The following TENM3 variants were observed in gnomAD, a reference collection of about 807,000 sequenced individuals.
TENM3 encodes the protein teneurin-3.
Under a neutral mutation model 255.1 loss-of-function variants are expected in TENM3, and 63 were observed. That is an observed-to-expected ratio of 0.25 (90% confidence interval 0.20 to 0.30). The LOEUF (loss-of-function observed/expected upper bound fraction) is 0.30. TENM3 is among the 10% of genes least tolerant of loss of function. TENM3 has a pLI of 1.00. For synonymous variants in TENM3, 1,306 were observed against 1,322.3 expected (o/e 0.99, Z 0.27); for missense variants, 2,929 against 3,461.1 (o/e 0.85, Z 3.86).
the TENM3 span, among the ~76,000 whole-genome samples, chr4:182,003,925 A>AT: frequency 6.6e-6 from 1 of 152,168 alleles, no homozygotes; most frequent in Non-Finnish European, 1.5e-5. Flanking sequence ...GCTAAAAAAA[A>AT]AAATAAATCT....
At chr4:182,582,856 C>T (rs774533024) in intron 3 of TENM3, among the ~76,000 whole-genome samples, 2 of 152,192 alleles carry the variant, frequency 1.3e-5, no homozygotes. Flanking sequence ...AAGGCAAGCT[C>T]TTCCTTACAG....
At chr4:182,782,840 G>T (rs879655117) in intron 24 of TENM3, among the ~76,000 whole-genome samples, 2,219 of 144,122 alleles carry the variant, frequency 0.015, 49 homozygotes, top group African/African-American at 0.054. Flanking sequence ...GATCTTTGTT[G>T]GTTTAAAGTC....
chr4:182,097,991 C>T, the TENM3 span, among the ~76,000 whole-genome samples: 1 of 151,902 alleles, frequency 6.6e-6, no homozygotes, highest in Non-Finnish European at 1.5e-5. Flanking sequence ...AAAAAAAAAT[C>T]CCAAAGAATC....
Position 182,673,012 on chromosome 4 carries a change from A to T in TENM3, c.1119A>T (p.Leu373Phe), listed in dbSNP as rs756401954. 1 of 1,576,704 alleles carries T rather than the reference A, an allele frequency of 6.3e-7. No homozygotes were observed. Among genetic ancestry groups the T allele is most frequent in the African/African-American group, 1.3e-5 (1 of 74,512 alleles). ...TGCATCTCTTACATTCAGGAAAATT[A>T]GGTGGATTTACGCAAGAAAATAACA... Reference protein sequence around the residue: ...VSLPSGDNGKLGGFTQENNTI... With the variant: ...VSLPSGDNGKFGGFTQENNTI... The change falls in exon 7 of 28, where the codon TTA becomes TTT. Residue 373 changes from leucine to phenylalanine, a missense_variant. Around this residue, in one of 6 missense-constraint regions of TENM3, gnomAD observed 1,608 missense variants for 1,884.4 expected, o/e 0.85. Coordinates refer to ENST00000511685, the MANE Select transcript of TENM3 (RefSeq NM_001080477.4).
At chr4:181,491,782 G>A in the TENM3 span, among the ~76,000 whole-genome samples, 4 of 151,988 alleles carry the variant, frequency 2.6e-5, no homozygotes, top group Non-Finnish European at 5.9e-5. Flanking sequence ...CCAGAAAAGT[G>A]GACATTAATT....
chr4:181,670,988 T>A, the TENM3 span, among the ~76,000 whole-genome samples: 1 of 152,340 alleles, frequency 6.6e-6, no homozygotes, highest in African/African-American at 2.4e-5. Context: ...CCTGTGACAC[T>A]ATAAAGAATA....
At chr4:181,540,866 A>G in the TENM3 span, among the ~76,000 whole-genome samples, 2 of 146,964 alleles carry the variant, frequency 1.4e-5, no homozygotes, top group African/African-American at 5.5e-5. Flanking sequence ...AGGAAATCTG[A>G]ATAAAGTATG....
At chr4:182,243,686 C>G (rs1156480978) in intron 1 of TENM3, among the ~76,000 whole-genome samples, 2 of 152,144 alleles carry the variant, frequency 1.3e-5, no homozygotes, top group African/African-American at 4.8e-5. Context: ...AGGAAAAGAG[C>G]AGTTCAAGAT....
At chr4:182,477,685 T>C (rs1733810061) in intron 3 of TENM3, among the ~76,000 whole-genome samples, 1 of 152,176 alleles carries the variant, frequency 6.6e-6, no homozygotes, top group Non-Finnish European at 1.5e-5. Flanking sequence ...ATACTTTTCT[T>C]TACATAGCAC....
At chr4:182,028,532 C>T in the TENM3 span, among the ~76,000 whole-genome samples, 1 of 152,082 alleles carries the variant, frequency 6.6e-6, no homozygotes, top group African/African-American at 2.4e-5. Context: ...TAAGATGCAT[C>T]ACTGGGTTGT....
At chr4:182,620,610 C>T (rs1384952738) in intron 4 of TENM3, among the ~76,000 whole-genome samples, 4 of 152,270 alleles carry the variant, frequency 2.6e-5, no homozygotes, top group Middle Eastern at 3.4e-3. Flanking sequence ...CAAAATGACA[C>T]CATTTGTTTG....
chr4:182,415,061 T>G (rs1259376045), intron 3 of TENM3, among the ~76,000 whole-genome samples: 1 of 152,260 alleles, frequency 6.6e-6, no homozygotes, highest in Non-Finnish European at 1.5e-5. Flanking sequence ...TGACACACTG[T>G]TAATCAGCAT....
chr4:181,886,945 T>C, the TENM3 span, among the ~76,000 whole-genome samples: 5 of 152,186 alleles, frequency 3.3e-5, no homozygotes, highest in African/African-American at 2.4e-5. Flanking sequence ...AAGTTTTCCA[T>C]TGAGCCAACG....
At chr4:182,144,119 C>T (rs750713105), upstream of TENM3, 1 of 151,142 alleles carries the variant, frequency 6.6e-6, no homozygotes, top group South Asian at 2.1e-4. Flanking sequence ...CAGCTCGCCC[C>T]GTGATTGGGC....
At chr4:182,033,766 A>C in the TENM3 span, among the ~76,000 whole-genome samples, 2 of 152,146 alleles carry the variant, frequency 1.3e-5, no homozygotes, top group Non-Finnish European at 2.9e-5. Flanking sequence ...TTCTTGTTGC[A>C]TTGAACCTTT....
At chr4:181,794,241 C>A in the TENM3 span, among the ~76,000 whole-genome samples, 1 of 152,256 alleles carries the variant, frequency 6.6e-6, no homozygotes, top group Non-Finnish European at 1.5e-5. Flanking sequence ...TAATTAACAT[C>A]TCCATCACGT....
At chr4:182,099,721 T>A in the TENM3 span, among the ~76,000 whole-genome samples, 21 of 152,192 alleles carry the variant, frequency 1.4e-4, no homozygotes, top group African/African-American at 4.3e-4. Context: ...TATTTACTAT[T>A]AATATCTATC....
intron 3 of TENM3, 66 bp downstream of exon 3, chr4:182,346,995 C>G (rs371499107): frequency 7.8e-5 from 66 of 846,636 alleles, no homozygotes; most frequent in South Asian, 1.5e-4. Flanking sequence ...GTTGACTCCG[C>G]GGGGGGGGAT....
the TENM3 span, among the ~76,000 whole-genome samples, chr4:181,903,248 G>GTA: frequency 0.071 from 10,713 of 151,900 alleles, 558 homozygotes; most frequent in African/African-American, 0.15. Flanking sequence ...TTTTATATGT[G>GTA]TATATATATT....
Sources: gnomAD v4.1 joint callset for allele counts (sites outside exome capture counted in the v4.1 genomes callset) on GRCh38, gnomAD v4.1.1 for gene constraint, gnomAD v4.1.1 regional missense constraint, MANE v1.5 for transcripts, NCBI Gene and HGNC (gene_info 2026-07-23, HGNC 2026-07-21) for gene names.